The following INPPL1 variants were observed in gnomAD, a reference collection of about 807,000 sequenced individuals.
The protein encoded by INPPL1 is phosphatidylinositol 3,4,5-trisphosphate 5-phosphatase 2.
In INPPL1, 91 loss-of-function variants were observed where a neutral mutation model predicts 139.3. That is an observed-to-expected ratio of 0.65 (90% confidence interval 0.55 to 0.78). The LOEUF (loss-of-function observed/expected upper bound fraction) is 0.78, where lower values mean the gene tolerates loss of function less well. Among genes scored for constraint, INPPL1 ranks in the 30% least tolerant of loss-of-function variants. The pLI is 0.00. For missense variants in INPPL1, 1,411 were observed against 1,665.6 expected (o/e 0.85, Z 2.66); for synonymous variants, 719 against 686.6 (o/e 1.05, Z -0.74).
Position 72,237,616 on chromosome 11 carries a change from G to A in INPPL1, c.3372G>A (p.Leu1124=), listed in dbSNP as rs1169886983. The change falls in exon 26 of 28, where the codon CTG becomes CTA. Residue 1124 remains leucine, a synonymous_variant. Coordinates refer to ENST00000298229, the MANE Select transcript of INPPL1 (RefSeq NM_001567.4). ...ASGDDRSCSV[L]QMAKTLSEVD... ...GGGATGACCGGTCCTGCTCGGTGCT[G>A]CAGATGGCCAAGACGCTGAGCGAGG... The A allele has an allele frequency of 1.7e-5, 28 of 1,605,372 alleles. No individual in the cohort carries two copies. The Admixed American group carries it at 3.9e-4, about 22-fold the overall frequency.
Position 72,233,717 on chromosome 11 carries a change from G to C in INPPL1, c.2185G>C (p.Val729Leu), listed in dbSNP as rs1948901637. 23 of 1,614,146 alleles carry C rather than the reference G, an allele frequency of 1.4e-5. No homozygotes were observed. Among genetic ancestry groups the C allele is most frequent in the Non-Finnish European group, 1.9e-5 (23 of 1,180,014 alleles). ...SPVFGTFEVG[V>L]TSQFISKKGL... The stretch of plus-strand genomic sequence containing the variant: ...CGTGTTTGGGACATTTGAGGTTGGA[G>C]TTACCTCCCAGTTCATCTCCAAGAA... The change falls in exon 19 of 28, where the codon GTT (valine) becomes CTT (leucine). Residue 729 changes from valine to leucine, a missense_variant. Val to Leu is a conservative substitution (Grantham distance 32). Coordinates refer to ENST00000298229, the MANE Select transcript of INPPL1 (RefSeq NM_001567.4).
rs772223908 is a variant in INPPL1, at chr11:72,229,929, G to T, written c.849G>T (p.Leu283=). Residue 283 remains leucine, a synonymous_variant, in exon 8 of 28, where the codon CTG becomes CTT. Coordinates refer to ENST00000298229, the MANE Select transcript of INPPL1 (RefSeq NM_001567.4). ...DFLSGIQKKA[L]KALQDMSSTA... Reference sequence around the variant, plus strand: ...CCTGCCCTTGTTCCCTCCAGGCCCTGAAGGCCCTACAGGACATGAGCTCCA... The same window carrying T: ...CCTGCCCTTGTTCCCTCCAGGCCCTTAAGGCCCTACAGGACATGAGCTCCA... 6.2e-7 allele frequency: 1 copy of T among 1,614,008 alleles called. No individual in the cohort carries two copies.
chr11:72,237,105 G>GT lies in INPPL1; in HGVS notation c.2880-17dup. The GT allele has an allele frequency of 1.3e-6, 2 of 1,556,062 alleles. No homozygotes were observed. The highest frequency in any genetic ancestry group is 2.4e-5 in the South Asian group (2 of 83,898). On this transcript the variant is annotated intron_variant, in intron 25 of 27. Coordinates refer to ENST00000298229, the MANE Select transcript of INPPL1 (RefSeq NM_001567.4). Reference sequence around the variant, plus strand: ...TGGGTTCCTGGATCCTGGCTTAGTCGTTCTGCTTCCACACCCAGGTTGAAG... The same window carrying GT: ...TGGGTTCCTGGATCCTGGCTTAGTCGTTTCTGCTTCCACACCCAGGTTGAAG...
chr11:72,238,079 G>T lies in INPPL1; in HGVS notation c.3590G>T (p.Gly1197Val), dbSNP rs757314271. The T allele has an allele frequency of 1.3e-6, 2 of 1,575,108 alleles. No homozygotes were observed. Among genetic ancestry groups the T allele is most frequent in the East Asian group, 2.3e-5 (1 of 44,342 alleles). The change falls in exon 27 of 28, where the codon GGC (glycine) becomes GTC (valine). Residue 1197 changes from glycine to valine, a missense_variant. By Grantham distance (109) the Gly-to-Val change is moderately radical. This residue lies in a region of INPPL1 where 438 missense variants were observed against 425.7 expected (regional missense o/e 1.03). Coordinates refer to ENST00000298229, the MANE Select transcript of INPPL1 (RefSeq NM_001567.4). ...CLQGGRASGL[G>V]EAGMSAWLRA... ...CAGGGCGGGCGGGCCAGCGGGCTGG[G>T]CGAGGCAGGCATGAGTGCCTGGCTG...
At position 72,232,318 on chromosome 11, in the gene INPPL1, G is replaced by C; in HGVS notation, c.1694G>C (p.Gly565Ala). ...FGFVNCHLTS[G>A]NEKTARRNQN... ...TTTGTGAATTGTCACCTCACCTCGG[G>C]AAATGAGAAGACGGCTCGGTGAGGG... The change falls in exon 14 of 28, where the codon GGA (glycine) becomes GCA (alanine). Residue 565 changes from glycine to alanine, a missense_variant. Physicochemically the swap from Gly to Ala is moderately conservative, Grantham distance 60. This residue lies in a region of INPPL1 where 363 missense variants were observed against 446.2 expected (regional missense o/e 0.81). Coordinates refer to ENST00000298229, the MANE Select transcript of INPPL1 (RefSeq NM_001567.4). 6.4e-7 allele frequency: 1 copy of C among 1,552,698 alleles called. No individual in the cohort carries two copies. The highest frequency in any genetic ancestry group is 8.7e-7 in the Non-Finnish European group (1 of 1,147,512).
intron 16 of INPPL1, 47 bp downstream of exon 16, chr11:72,233,021 C>G (rs1484931463): frequency 5.0e-6 from 8 of 1,605,474 alleles, no homozygotes; most frequent in Non-Finnish European, 6.8e-6. Context: ...AGGAGACTTG[C>G]AGTATCCCTG....
rs1219311061 is a variant in INPPL1 at position 72,224,930 on chromosome 11, C to G, written c.-55C>G. 1 of 1,032,776 alleles carries G rather than the reference C, an allele frequency of 9.7e-7. No homozygotes were observed. Among genetic ancestry groups the G allele is most frequent in the Non-Finnish European group, 1.2e-6 (1 of 859,698 alleles). 64.0% of individuals were successfully genotyped at this position (1,032,776 alleles called of 1,614,324 possible). ...GCCCCAGCCTCAGCCCTGAGCGTCT[C>G]GGGGCGGATGGCGCGGGGCGGCGGG... is the stretch of plus-strand genomic sequence containing the variant. On this transcript the variant is annotated 5_prime_UTR_variant, in exon 1 of 28. Coordinates refer to ENST00000298229, the MANE Select transcript of INPPL1 (RefSeq NM_001567.4).
Position 72,230,367 on chromosome 11 carries a change from C to T in INPPL1, c.1096C>T (p.Gln366Ter). 6.2e-7 allele frequency: 1 copy of T among 1,614,084 alleles called. No homozygotes were observed. Among genetic ancestry groups the T allele is most frequent in the Non-Finnish European group, 8.5e-7 (1 of 1,180,024 alleles). The change falls in exon 10 of 28, where the codon CAG becomes TAG. Residue 366 changes from glutamine to a stop codon, truncating the protein, a stop_gained. Transcript: ENST00000298229. LOFTEE classifies it high-confidence loss of function. ...ACCGGTCCTCCATGCCCTAGTCCGC[C>T]AGCTCATTAAGTCCCAGCGTGTCCA... Reference protein sequence around the residue: ...WTTFTHDRIRQLIKSQRVQNK... With the variant: ...WTTFTHDRIR
chr11:72,230,964 C>T (rs1210510967), intron 11 of INPPL1, 29 bp from the exon 12 acceptor site: 2 of 1,611,808 alleles, frequency 1.2e-6, no homozygotes, highest in Admixed American at 3.3e-5. Context: ...CTAACCCCTC[C>T]AGACCCACCT....
chr11:72,229,304 G>C (rs1948764341), intron 5 of INPPL1, 74 bp downstream of exon 5: 1 of 1,494,854 alleles, frequency 6.7e-7, no homozygotes, highest in South Asian at 1.2e-5. Flanking sequence ...CGGCTGCACA[G>C]GTGCCCTGAT....
chr11:72,228,626 T>C lies in INPPL1; in HGVS notation c.398-101T>C. Reference sequence around the variant, plus strand: ...CCCTTGGCCATGATGCCGGGGCCCTTTAACCCTCTTTCCATGGAAGTCACT... The same window carrying C: ...CCCTTGGCCATGATGCCGGGGCCCTCTAACCCTCTTTCCATGGAAGTCACT... On this transcript the variant is annotated intron_variant, in intron 3 of 27. Coordinates refer to ENST00000298229, the MANE Select transcript of INPPL1 (RefSeq NM_001567.4). This position sits in a 1 kb window ranked among gnomAD's most constrained non-coding sequence, Gnocchi z 5.0. 1 of 1,532,660 alleles carries C rather than the reference T, an allele frequency of 6.5e-7. No individual in the cohort carries two copies. Among genetic ancestry groups the C allele is most frequent in the Non-Finnish European group, 8.8e-7 (1 of 1,133,696 alleles). 94.9% of individuals were successfully genotyped at this position (1,532,660 alleles called of 1,614,324 possible).
In INPPL1 at chr11:72,225,059, C is replaced by T. The variant is rs749687581; in HGVS notation, c.75C>T (p.Asp25=). The part of the protein sequence containing the change: ...GSQAPSWYHR[D]LSRAAAEELL... ...AGGCCCCCTCCTGGTACCACCGCGA[C>T]CTGAGCCGGGCGGCCGCGGAGGAGC... Residue 25 remains aspartate, a synonymous_variant, in exon 1 of 28, where the codon GAC becomes GAT. Transcript: ENST00000298229. The T allele has an allele frequency of 2.0e-5, 24 of 1,230,300 alleles. No individual in the cohort carries two copies. The African/African-American group carries it at 3.6e-4, about 18-fold the overall frequency. The allele number at this position is 1,230,300 out of a possible 1,614,324, so 76.2% of individuals were successfully genotyped here. A position where few individuals can be genotyped will look rare whatever the true frequency, so the allele number is the denominator to read the frequency against.
chr11:72,224,856 C>A lies in INPPL1; in HGVS notation c.-129C>A. On this transcript the variant is annotated 5_prime_UTR_variant, in exon 1 of 28. Transcript: ENST00000298229. ...GCGCGGCGGAGTGCTGAGTCCCGAT[C>A]CCCGGCTCTGTCCGGCCCACGGATC... 1.7e-6 allele frequency: 1 copy of A among 581,748 alleles called. No homozygotes were observed. The highest frequency in any genetic ancestry group is 2.2e-6 in the Non-Finnish European group (1 of 453,372). 36.0% of individuals were successfully genotyped at this position (581,748 alleles called of 1,614,324 possible). A position where few individuals can be genotyped will look rare whatever the true frequency, so the allele number is the denominator to read the frequency against.
At chr11:72,225,332 C>G in intron 1 of INPPL1, 166 bp downstream of exon 1, 1 of 985,438 alleles carries the variant, frequency 1.0e-6, no homozygotes, top group South Asian at 4.7e-5. Context: ...AGGAGGGACG[C>G]AGGGGCACTT....
chr11:72,231,398 T>C (rs1216515476), intron 12 of INPPL1, 100 bp from the exon 13 acceptor site: 1 of 1,078,708 alleles, frequency 9.3e-7, no homozygotes, highest in East Asian at 2.4e-5. Flanking sequence ...GTGGCAAGCC[T>C]TCCTACCCTG....
intron 17 of INPPL1, 84 bp downstream of exon 17, chr11:72,233,247 C>T (rs1948887737): frequency 8.0e-7 from 1 of 1,243,550 alleles, no homozygotes. Flanking sequence ...TGGGCCTCTG[C>T]AGCTTCCACT....
chr11:72,230,951 T>C (rs767065398), intron 11 of INPPL1, 42 bp from the exon 12 acceptor site: 11 of 1,611,306 alleles, frequency 6.8e-6, no homozygotes, highest in Non-Finnish European at 9.3e-6. Flanking sequence ...CCAGAGCAGG[T>C]GCCTAACCCC....
At position 72,232,986 on chromosome 11, in the gene INPPL1, C is replaced by T; in HGVS notation, c.1951+12C>T. The T allele has an allele frequency of 1.2e-6, 2 of 1,613,032 alleles. No individual in the cohort carries two copies. The highest frequency in any genetic ancestry group is 1.7e-6 in the Non-Finnish European group (2 of 1,179,038). The stretch of plus-strand genomic sequence containing the variant: ...CTTCCTTCGATTCAGTGAGTGTGGG[C>T]CTGGTAGGTGGTGATCTGAGGGCTA... On this transcript the variant is annotated intron_variant, in intron 16 of 27. Transcript: ENST00000298229.
Position 72,232,927 on chromosome 11 carries a change from A to G in INPPL1, c.1904A>G (p.Asp635Gly). The part of the protein sequence containing the change: ...RKEFEPLLRV[D>G]QLNLEREKHK... ...GAGTTTGAGCCCCTCCTCAGGGTGG[A>G]CCAGCTCAACCTGGAGCGGGAGAAG... is the stretch of plus-strand genomic sequence containing the variant. Residue 635 changes from aspartate (D) to glycine (G), a missense_variant, in exon 16 of 28, where the codon GAC (aspartate) becomes GGC (glycine). Physicochemically the swap from Asp to Gly is moderately conservative, Grantham distance 94 (BLOSUM62 -1). Around this residue, in one of 5 missense-constraint regions of INPPL1, gnomAD observed 363 missense variants for 446.2 expected, o/e 0.81. Coordinates refer to ENST00000298229, the MANE Select transcript of INPPL1 (RefSeq NM_001567.4). 6.2e-7 allele frequency: 1 copy of G among 1,614,106 alleles called. No individual in the cohort carries two copies. Among genetic ancestry groups the G allele is most frequent in the Non-Finnish European group, 8.5e-7 (1 of 1,179,996 alleles).
Sources: allele counts gnomAD v4.1 joint callset, GRCh38; gene constraint gnomAD v4.1.1; regional missense constraint gnomAD v4.1.1; non-coding constraint Gnocchi (gnomAD v3.1); transcripts MANE v1.5; gene names NCBI Gene and HGNC (gene_info 2026-07-23, HGNC 2026-07-21).